The following GRIN2D variants were observed in gnomAD, a reference collection of about 807,000 sequenced individuals.
The protein encoded by GRIN2D is glutamate ionotropic receptor NMDA type subunit 2D.
GRIN2D carries 37 observed loss-of-function variants against 103.2 expected under a neutral mutation model. The observed-to-expected ratio is 0.36, with a 90% CI of 0.28 to 0.47. The LOEUF (loss-of-function observed/expected upper bound fraction) is 0.47. Among genes scored for constraint, GRIN2D ranks in the 20% least tolerant of loss-of-function variants. The probability of loss-of-function intolerance (pLI) is 1.00; values close to 1 mark genes in which losing one functional copy is unlikely to be tolerated. For synonymous variants in GRIN2D, 845 were observed against 885.6 expected (o/e 0.95, Z 0.81); for missense variants, 1,557 against 1,910.6 (o/e 0.81, Z 3.45).
intron 8 of GRIN2D, 46 bp downstream of exon 8, chr19:48,416,201 C>T (rs1411062371): frequency 6.4e-7 from 1 of 1,559,468 alleles, no homozygotes; most frequent in Non-Finnish European, 8.8e-7. Context: ...GGCAAAGTAG[C>T]CGTCCCCAAC....
chr19:48,404,589 C>T (rs1970759233), intron 3 of GRIN2D, 145 bp from the exon 4 acceptor site: 6 of 718,208 alleles, frequency 8.4e-6, no homozygotes, highest in Non-Finnish European at 1.4e-5. Flanking sequence ...CCAGATCTAG[C>T]CCTGTGCCCC....
chr19:48,407,845 G>A (rs1362808330), intron 4 of GRIN2D, among the ~76,000 whole-genome samples: 1 of 152,228 alleles, frequency 6.6e-6, no homozygotes, highest in African/African-American at 2.4e-5. Context: ...GGCTATGCTA[G>A]GTGGGGTGGT....
intron 11 of GRIN2D, among the ~76,000 whole-genome samples, chr19:48,433,071 G>A (rs1317840530): frequency 0.032 from 5 of 158 alleles, no homozygotes; most frequent in Admixed American, 0.11. Flanking sequence ...GATTACAGGC[G>A]TGACACCACC....
intron 11 of GRIN2D, among the ~76,000 whole-genome samples, chr19:48,424,000 G>A (rs1054048515): frequency 2.0e-5 from 3 of 151,954 alleles, no homozygotes; most frequent in South Asian, 2.1e-4. Flanking sequence ...TGTATTTTTG[G>A]TAGAGATGAG....
At chr19:48,418,592 G>A (rs1239024404) in intron 8 of GRIN2D, among the ~76,000 whole-genome samples, 2 of 152,138 alleles carry the variant, frequency 1.3e-5, no homozygotes, top group Non-Finnish European at 2.9e-5. Flanking sequence ...AGAATGGAGA[G>A]GAGAGGCCCA....
chr19:48,417,526 G>C (rs893084586), intron 8 of GRIN2D, among the ~76,000 whole-genome samples: 2 of 152,204 alleles, frequency 1.3e-5, no homozygotes, highest in Admixed American at 6.5e-5. Flanking sequence ...CTGGGAGAGG[G>C]GAGGGGCTGG....
intron 4 of GRIN2D, among the ~76,000 whole-genome samples, chr19:48,407,307 C>A (rs1970805007): frequency 6.6e-6 from 1 of 151,886 alleles, no homozygotes; most frequent in Admixed American, 6.6e-5. Context: ...TTTCTCCCTC[C>A]CTCCCTCTGT....
chr19:48,401,466 G>A lies in GRIN2D; in HGVS notation c.465+2609G>A, dbSNP rs375973074. ...GTGACACCTGAGCTGGAGGTGTCAG[G>A]TGGAGGTCTGGCATGGAGGAGGTAG... On this transcript the variant is annotated intron_variant, in intron 3 of 13. Coordinates refer to ENST00000263269, the MANE Select transcript of GRIN2D (RefSeq NM_000836.4). Among the ~76,000 whole-genome samples, 8 of 152,348 alleles carry A rather than the reference G, an allele frequency of 5.3e-5. No individual in the cohort carries two copies. The East Asian group carries it at 1.2e-3, about 22-fold the overall frequency.
rs1600978289 is a variant in GRIN2D at position 48,414,251 on chromosome 19, G to A, written c.1201-122G>A. 1 of 938,520 alleles carries A rather than the reference G, an allele frequency of 1.1e-6. No homozygotes were observed. Among genetic ancestry groups the A allele is most frequent in the Non-Finnish European group, 1.6e-6 (1 of 607,868 alleles). 58.1% of individuals were successfully genotyped at this position (938,520 alleles called of 1,614,324 possible). On this transcript the variant is annotated intron_variant, in intron 5 of 13. Transcript: ENST00000263269. This position sits in a 1 kb window ranked among gnomAD's most constrained non-coding sequence, Gnocchi z 4.6. ...GTCCTGGGATCTGAAGGTGGGAGGG[G>A]CTCCTGGGTCTTGGAAGAAGCTGCT...
chr19:48,414,668 C>T lies in GRIN2D; in HGVS notation c.1412+84C>T. On this transcript the variant is annotated intron_variant, in intron 6 of 13. Coordinates refer to ENST00000263269, the MANE Select transcript of GRIN2D (RefSeq NM_000836.4). The surrounding 1 kb of genome is among the most constrained non-coding windows in gnomAD (Gnocchi z 4.6). ...AGTCTGGGCCCCCAGCCCCCTCCTCCCTTGGGACCCAGGACCCACAAAGCC... is the reference window on the plus strand; with the variant it reads ...AGTCTGGGCCCCCAGCCCCCTCCTCTCTTGGGACCCAGGACCCACAAAGCC... The T allele has an allele frequency of 7.3e-7, 1 of 1,361,892 alleles. No homozygotes were observed. The highest frequency in any genetic ancestry group is 1.0e-6 in the Non-Finnish European group (1 of 986,628). 84.4% of individuals were successfully genotyped at this position (1,361,892 alleles called of 1,614,324 possible). A position where few individuals can be genotyped will look rare whatever the true frequency, so the allele number is the denominator to read the frequency against.
Position 48,405,174 on chromosome 19 carries a change from C to A in GRIN2D, c.906C>A (p.Ala302=). The A allele has an allele frequency of 6.3e-7, 1 of 1,593,770 alleles. No individual in the cohort carries two copies. The highest frequency in any genetic ancestry group is 1.1e-5 in the South Asian group (1 of 88,920). ...PLLPGGAPLP[A]GLFAVRSAGW... Reference sequence around the variant, plus strand: ...TGCCAGGAGGCGCCCCCCTGCCTGCCGGGCTGTTTGCAGTGCGCTCGGCTG... The same window carrying A: ...TGCCAGGAGGCGCCCCCCTGCCTGCAGGGCTGTTTGCAGTGCGCTCGGCTG... Residue 302 remains alanine (A), a synonymous_variant, in exon 4 of 14, where the codon GCC becomes GCA. Transcript: ENST00000263269. The surrounding 1 kb of genome is among the most constrained non-coding windows in gnomAD (Gnocchi z 5.1).
In GRIN2D at chr19:48,443,134, C is replaced by T. The variant is rs1300131559; in HGVS notation, c.3208C>T (p.Pro1070Ser). 2.0e-6 allele frequency: 2 copies of T among 1,000,660 alleles called. No individual in the cohort carries two copies. Among genetic ancestry groups the T allele is most frequent in the African/African-American group, 1.8e-5 (1 of 56,792 alleles). 62.0% of individuals were successfully genotyped at this position (1,000,660 alleles called of 1,614,324 possible). A position where few individuals can be genotyped will look rare whatever the true frequency, so the allele number is the denominator to read the frequency against. The change falls in exon 14 of 14, where the codon CCC (proline) becomes TCC (serine). Residue 1070 changes from proline (P) to serine (S), a missense_variant. Physicochemically the swap from Pro to Ser is moderately conservative, Grantham distance 74. Around this residue, in one of 7 missense-constraint regions of GRIN2D, gnomAD observed 632 missense variants for 572.8 expected, o/e 1.10. Coordinates refer to ENST00000263269, the MANE Select transcript of GRIN2D (RefSeq NM_000836.4). This position sits in a 1 kb window ranked among gnomAD's most constrained non-coding sequence, Gnocchi z 8.9. The stretch of plus-strand genomic sequence containing the variant: ...GCCGCGCTCGGACCCCGAGAGCCAA[C>T]CCCTGCTGGGGCCAGGCGCGGGCGG... ...RWPRSDPESQ[P>S]LLGPGAGGAG...
intron 8 of GRIN2D, 152 bp from the exon 9 acceptor site, chr19:48,419,082 A>G: frequency 1.9e-6 from 1 of 520,288 alleles, no homozygotes; most frequent in Non-Finnish European, 3.2e-6. Flanking sequence ...CAGGGAGTTC[A>G]AGGCCAGTCT....
intron 11 of GRIN2D, among the ~76,000 whole-genome samples, chr19:48,423,027 A>G (rs1971041921): frequency 6.6e-6 from 1 of 152,108 alleles, no homozygotes; most frequent in Non-Finnish European, 1.5e-5. Context: ...CCTGGCCAAC[A>G]TGATGAAACC....
rs1055769899 is a variant in GRIN2D at position 48,443,939 on chromosome 19, G to A, written c.*2G>A. 2.9e-6 allele frequency: 4 copies of A among 1,401,582 alleles called. No individual in the cohort carries two copies. Among genetic ancestry groups the A allele is most frequent in the Admixed American group, 6.0e-5 (2 of 33,562 alleles). The allele number at this position is 1,401,582 out of a possible 1,614,324, so 86.8% of individuals were successfully genotyped here. A position where few individuals can be genotyped will look rare whatever the true frequency, so the allele number is the denominator to read the frequency against. ...TCTAGCCTCGAGTCCGAGGTATGACGCGGCCCCGGGGGCCCCACCGCCCCC... is the reference window on the plus strand; with the variant it reads ...TCTAGCCTCGAGTCCGAGGTATGACACGGCCCCGGGGGCCCCACCGCCCCC... On this transcript the variant is annotated 3_prime_UTR_variant, in exon 14 of 14. Coordinates refer to ENST00000263269, the MANE Select transcript of GRIN2D (RefSeq NM_000836.4). This position sits in a 1 kb window ranked among gnomAD's most constrained non-coding sequence, Gnocchi z 8.9.
At chr19:48,401,471 G>A (rs1380332067) in intron 3 of GRIN2D, among the ~76,000 whole-genome samples, 4 of 152,226 alleles carry the variant, frequency 2.6e-5, no homozygotes, top group East Asian at 3.8e-4. Context: ...GTCAGGTGGA[G>A]GTCTGGCATG....
Position 48,414,501 on chromosome 19 carries a change from C to T in GRIN2D, c.1329C>T (p.Val443=), listed in dbSNP as rs780100405. The T allele has an allele frequency of 1.3e-6, 2 of 1,580,778 alleles. No homozygotes were observed. Among genetic ancestry groups the T allele is most frequent in the Admixed American group, 3.7e-5 (2 of 54,482 alleles). Residue 443 remains valine (V), a synonymous_variant, in exon 6 of 14, where the codon GTC becomes GTT. Coordinates refer to ENST00000263269, the MANE Select transcript of GRIN2D (RefSeq NM_000836.4). The surrounding 1 kb of genome is among the most constrained non-coding windows in gnomAD (Gnocchi z 4.6). ...TVATLEERPF[V]IVEPADPISG... ...CCACGCTGGAGGAAAGGCCGTTTGTCATCGTGGAGCCTGCAGACCCTATCA... is the reference window on the plus strand; with the variant it reads ...CCACGCTGGAGGAAAGGCCGTTTGTTATCGTGGAGCCTGCAGACCCTATCA...
intron 11 of GRIN2D, among the ~76,000 whole-genome samples, chr19:48,423,143 G>A (rs187099170): frequency 2.6e-5 from 4 of 152,170 alleles, no homozygotes; most frequent in East Asian, 3.9e-4. Flanking sequence ...TGCAGGAGGC[G>A]GAGGTTGCAG....
At chr19:48,417,776 G>A (rs1970965079) in intron 8 of GRIN2D, among the ~76,000 whole-genome samples, 1 of 152,160 alleles carries the variant, frequency 6.6e-6, no homozygotes, top group African/African-American at 2.4e-5. Context: ...CCAGGGTGCT[G>A]ACCTTGCTGT....
Sources: gnomAD v4.1 joint callset for allele counts (sites outside exome capture counted in the v4.1 genomes callset) on GRCh38, gnomAD v4.1.1 for gene constraint, gnomAD v4.1.1 regional missense constraint, Gnocchi (gnomAD v3.1) non-coding constraint, MANE v1.5 for transcripts, NCBI Gene and HGNC (gene_info 2026-07-23, HGNC 2026-07-21) for gene names.